UBE2D2: variants seen among roughly 807,000 people sequenced by gnomAD.
The protein encoded by UBE2D2 is ubiquitin conjugating enzyme E2 D2.
UBE2D2 carries 2 observed loss-of-function variants against 24.2 expected under a neutral mutation model. The ratio of observed to expected loss-of-function variants is 0.08; its 90% CI spans 0.03 to 0.26. The LOEUF (loss-of-function observed/expected upper bound fraction) is 0.26, where lower values mean the gene tolerates loss of function less well. Ranked by LOEUF, UBE2D2 falls within the 10% of genes least tolerant of loss-of-function variation. The pLI, the probability that UBE2D2 is intolerant of heterozygous loss-of-function variation, is 1.00. For missense variants in UBE2D2, 44 were observed against 177.6 expected (o/e 0.25, Z 4.28); for synonymous variants, 58 against 56.5 (o/e 1.03, Z -0.12).
In UBE2D2 at chr5:139,536,880, TA is replaced by T. The variant is rs1301304301; in HGVS notation, c.-64+10273del. ...CATACACAGTATTATTATCATGCTT[TA>T]AAAAGTAGTAAACCCAGGCTGGACG... is the stretch of plus-strand genomic sequence containing the variant. On this transcript the variant is annotated intron_variant, in intron 1 of 6. Coordinates refer to the UBE2D2 transcript ENST00000511725. Among the ~76,000 whole-genome samples, 29 of 151,986 alleles carry T rather than the reference TA, an allele frequency of 1.9e-4. 1 individual carries two copies. Among genetic ancestry groups the T allele is most frequent in the Admixed American group, 1.8e-3 (28 of 15,246 alleles).
chr5:139,581,338 A>G (rs1753598715), intron 1 of UBE2D2, among the ~76,000 whole-genome samples: 2 of 152,036 alleles, frequency 1.3e-5, no homozygotes, highest in Middle Eastern at 3.4e-3. Flanking sequence ...AATCCCAGCT[A>G]CTGAGGAGGC....
At chr5:139,564,388 C>T (rs1204751853) in intron 1 of UBE2D2, among the ~76,000 whole-genome samples, 3 of 150,234 alleles carry the variant, frequency 2.0e-5, no homozygotes, top group Non-Finnish European at 4.4e-5. Context: ...TCCTGACCTC[C>T]GGTGATCCAC....
chr5:139,601,546 A>G (rs1405208889), intron 2 of UBE2D2, among the ~76,000 whole-genome samples: 1 of 152,214 alleles, frequency 6.6e-6, no homozygotes, highest in East Asian at 1.9e-4. Context: ...CCTGGGTAGC[A>G]GAGTTTACAG....
chr5:139,625,063 T>C, intron 6 of UBE2D2, among the ~76,000 whole-genome samples: 1 of 141,664 alleles, frequency 7.1e-6, no homozygotes, highest in African/African-American at 2.6e-5. Flanking sequence ...AACCCCCCAC[T>C]TTTTTTTTTG....
At chr5:139,589,103 ATCT>A in intron 1 of UBE2D2, among the ~76,000 whole-genome samples, 1 of 152,210 alleles carries the variant, frequency 6.6e-6, no homozygotes. Context: ...CCTTGCTTTA[ATCT>A]TCTTAGCAGA....
chr5:139,590,779 CTTCTTTTTTTTTTT>C (rs1753829407), intron 1 of UBE2D2, among the ~76,000 whole-genome samples: 3 of 55,994 alleles, frequency 5.4e-5, no homozygotes, highest in Non-Finnish European at 1.1e-4. Context: ...ATTTTCTCTT[CTTCTTTTTTTTTTT>C]TTTTTTTTTT....
At chr5:139,550,589 T>G (rs1039912391) in intron 1 of UBE2D2, among the ~76,000 whole-genome samples, 1 of 152,094 alleles carries the variant, frequency 6.6e-6, no homozygotes, top group Non-Finnish European at 1.5e-5. Flanking sequence ...TTTTGTTTTT[T>G]TGATCTTTGA....
rs202160425 is a variant in UBE2D2, at chr5:139,545,377, A to ATT, written c.-64+18777_-64+18778dup. Among the ~76,000 whole-genome samples, 7 of 119,348 alleles carry ATT rather than the reference A, an allele frequency of 5.9e-5. No homozygotes were observed. In the South Asian group the frequency reaches 7.9e-4, roughly 13 times the overall value. 78.3% of individuals were successfully genotyped at this position (119,348 alleles called of 152,430 possible). On this transcript the variant is annotated intron_variant, in intron 1 of 6. Coordinates refer to the UBE2D2 transcript ENST00000511725. Reference sequence around the variant, plus strand: ...GCCACTGCTCTCAGCTTTGTCTTCTATTTTTTTTTTTTTACTATTGCGTGT... The same window carrying ATT: ...GCCACTGCTCTCAGCTTTGTCTTCTATTTTTTTTTTTTTTTACTATTGCGTGT...
intron 1 of UBE2D2, among the ~76,000 whole-genome samples, chr5:139,552,585 G>A (rs967820236): frequency 1.4e-5 from 2 of 140,202 alleles, no homozygotes; most frequent in South Asian, 4.5e-4. Context: ...CTCGGCTCAC[G>A]GCAACCTCCG....
intron 6 of UBE2D2, among the ~76,000 whole-genome samples, chr5:139,624,772 C>T (rs1754580259): frequency 6.6e-6 from 1 of 152,254 alleles, no homozygotes; most frequent in African/African-American, 2.4e-5. Context: ...CAGAGCAAGA[C>T]TCACGTCTCC....
At chr5:139,593,930 C>CTA (rs1425779221) in intron 1 of UBE2D2, among the ~76,000 whole-genome samples, 1 of 152,154 alleles carries the variant, frequency 6.6e-6, no homozygotes, top group African/African-American at 2.4e-5. Flanking sequence ...AATTACAATG[C>CTA]TATGAATCAT....
chr5:139,537,315 A>C (rs747277823), intron 1 of UBE2D2, among the ~76,000 whole-genome samples: 2 of 152,160 alleles, frequency 1.3e-5, no homozygotes, highest in Non-Finnish European at 2.9e-5. Context: ...AACAGGGTTC[A>C]TACATTGTGA....
intron 1 of UBE2D2, among the ~76,000 whole-genome samples, chr5:139,555,503 C>T (rs868666673): frequency 3.4e-4 from 51 of 152,060 alleles, no homozygotes; most frequent in African/African-American, 1.1e-3. Flanking sequence ...AAACATTGAA[C>T]TGAATAAAAA....
In UBE2D2 at chr5:139,586,850, A is replaced by G. The variant is rs555447280; in HGVS notation, c.25-13522A>G. 3.3e-5 allele frequency among the ~76,000 whole-genome samples: 5 copies of G among 152,300 alleles called. No homozygotes were observed. The South Asian group carries it at 1.0e-3, about 32-fold the overall frequency. ...AGGGTAATCAGCATCTTCTTTTGTT[A>G]AACAGAATTTTAGTCCGTTTACTTT... On this transcript the variant is annotated intron_variant, in intron 1 of 6. Transcript: ENST00000398733.
intron 2 of UBE2D2, among the ~76,000 whole-genome samples, chr5:139,609,717 GCTTTCTTT>G (rs1282141129): frequency 6.7e-6 from 1 of 148,572 alleles, no homozygotes; most frequent in Non-Finnish European, 1.5e-5. Flanking sequence ...TTTATTAAGT[GCTTTCTTT>G]CTTTTTTTCT....
upstream of UBE2D2, chr5:139,561,316 T>TCGGGCCCACCCCGTGCTCCGA (rs1561502412): frequency 6.6e-6 from 1 of 151,816 alleles, no homozygotes; most frequent in Non-Finnish European, 1.5e-5. Context: ...TGCCCCTCGG[T>TCGGGCCCACCCCGTGCTCCGA]CGGGCCCACC....
At chr5:139,578,493 T>C (rs355163) in intron 1 of UBE2D2, among the ~76,000 whole-genome samples, 62,056 of 151,142 alleles carry the variant, frequency 0.41, 15,704 homozygotes, top group African/African-American at 0.72. Context: ...TGCTCTGTTG[T>C]CCAGGCTAGA....
At chr5:139,584,969 C>T (rs1393377537) in intron 1 of UBE2D2, among the ~76,000 whole-genome samples, 5 of 150,476 alleles carry the variant, frequency 3.3e-5, no homozygotes, top group Non-Finnish European at 5.9e-5. Flanking sequence ...GGCGCGATCT[C>T]GGCTGACTGC....
At chr5:139,546,374 A>T (rs1347344669) in intron 1 of UBE2D2, among the ~76,000 whole-genome samples, 1 of 150,042 alleles carries the variant, frequency 6.7e-6, no homozygotes, top group Non-Finnish European at 1.5e-5. Flanking sequence ...CAGTAGAGAC[A>T]GAGTTTCACC....
Sources: allele counts gnomAD v4.1 joint callset (sites outside exome capture counted in the v4.1 genomes callset), GRCh38; gene constraint gnomAD v4.1.1; transcripts MANE v1.5; gene names NCBI Gene and HGNC (gene_info 2026-07-23, HGNC 2026-07-21).